CSTF3: variants seen among roughly 807,000 people sequenced by gnomAD.
CSTF3 encodes the protein CF-1 77 kDa subunit.
CSTF3 carries 29 observed loss-of-function variants against 105.8 expected under a neutral mutation model. The ratio of observed to expected loss-of-function variants is 0.27; its 90% CI spans 0.20 to 0.37. The LOEUF (loss-of-function observed/expected upper bound fraction) is 0.37, where lower values mean the gene tolerates loss of function less well. CSTF3 is among the 10% of genes least tolerant of loss of function. The probability of loss-of-function intolerance (pLI) is 1.00; values close to 1 mark genes in which losing one functional copy is unlikely to be tolerated. For synonymous variants in CSTF3, 252 were observed against 281.9 expected, an observed-to-expected ratio of 0.89 and a Z score of 1.06; for missense variants, 357 against 879.3, an observed-to-expected ratio of 0.41 and a Z score of 7.51.
intron 1 of CSTF3, among the ~76,000 whole-genome samples, chr11:33,147,002 C>CA (rs1363829171): frequency 5.3e-5 from 8 of 152,098 alleles, no homozygotes; most frequent in Admixed American, 3.9e-4. Flanking sequence ...CTGGTCTCTA[C>CA]AAAAAATATA....
At chr11:33,090,164 T>G (rs765675362) in intron 17 of CSTF3, among the ~76,000 whole-genome samples, 20 of 152,208 alleles carry the variant, frequency 1.3e-4, no homozygotes, top group Non-Finnish European at 2.9e-4. Context: ...TGTCAAAACA[T>G]ATTTATCAAT....
chr11:33,130,163 CA>C (rs1266610220), intron 3 of CSTF3, among the ~76,000 whole-genome samples: 1 of 152,140 alleles, frequency 6.6e-6, no homozygotes, highest in Non-Finnish European at 1.5e-5. Context: ...TTCATAATCT[CA>C]ATTAGTAAAA....
At chr11:33,097,714 C>T (rs1855239476) in intron 13 of CSTF3, among the ~76,000 whole-genome samples, 1 of 152,020 alleles carries the variant, frequency 6.6e-6, no homozygotes, top group Admixed American at 6.6e-5. Flanking sequence ...TTTTAAAAGC[C>T]CACTACTCTA....
chr11:33,085,596 T>C, intron 20 of CSTF3, 117 bp downstream of exon 20: 1 of 900,836 alleles, frequency 1.1e-6, no homozygotes, highest in South Asian at 1.5e-5. Flanking sequence ...TGGGTTTCAC[T>C]GCACTTCAAA....
chr11:33,099,510 T>G lies in CSTF3; in HGVS notation c.936+98A>C. On this transcript the variant is annotated intron_variant, in intron 11 of 20. Coordinates refer to ENST00000323959, the MANE Select transcript of CSTF3 (RefSeq NM_001326.3). The surrounding 1 kb of genome is among the most constrained non-coding windows in gnomAD (Gnocchi z 4.1). ...AACGTAAACTTAAATTTTCAATACT[T>G]ATGCTTTATTACCAAAATTCAGTTA... The G allele has an allele frequency of 1.2e-6, 1 of 826,056 alleles. No individual in the cohort carries two copies. Among genetic ancestry groups the G allele is most frequent in the Non-Finnish European group, 1.9e-6 (1 of 519,534 alleles). 51.2% of individuals were successfully genotyped at this position (826,056 alleles called of 1,614,324 possible).
At position 33,114,302 on chromosome 11, in the gene CSTF3, T is replaced by C. The variant is rs569345677; in HGVS notation, c.226-5884A>G. 5.8e-4 allele frequency among the ~76,000 whole-genome samples: 88 copies of C among 152,340 alleles called. 1 individual carries two copies. The highest frequency in any genetic ancestry group is 1.8e-3 in the African/African-American group (75 of 41,586). On this transcript the variant is annotated intron_variant, in intron 3 of 20. Coordinates refer to ENST00000323959, the MANE Select transcript of CSTF3 (RefSeq NM_001326.3). ...TCAAAAATAAATGAGTTTTTCCTAATGTTAGGAACATATTTCATGCTTCAT... is the reference window on the plus strand; with the variant it reads ...TCAAAAATAAATGAGTTTTTCCTAACGTTAGGAACATATTTCATGCTTCAT...
intron 5 of CSTF3, among the ~76,000 whole-genome samples, chr11:33,107,048 A>T (rs1390274890): frequency 6.6e-6 from 1 of 152,150 alleles, no homozygotes; most frequent in Non-Finnish European, 1.5e-5. Context: ...AGGCAGGAGA[A>T]TTGCTTGAGC....
chr11:33,133,848 G>C (rs1433485599), intron 3 of CSTF3, among the ~76,000 whole-genome samples: 1 of 152,172 alleles, frequency 6.6e-6, no homozygotes. Flanking sequence ...CACATTGAAG[G>C]AGACTAAGAG....
chr11:33,099,532 G>T lies in CSTF3; in HGVS notation c.936+76C>A. On this transcript the variant is annotated intron_variant, in intron 11 of 20. Transcript: ENST00000323959. The surrounding 1 kb of genome is among the most constrained non-coding windows in gnomAD (Gnocchi z 4.1). ...ACTTATGCTTTATTACCAAAATTCAGTTATATTTTTCAGTAAATAATTGCT... is the reference window on the plus strand; with the variant it reads ...ACTTATGCTTTATTACCAAAATTCATTTATATTTTTCAGTAAATAATTGCT... The T allele has an allele frequency of 1.0e-6, 1 of 965,168 alleles. No homozygotes were observed. The highest frequency in any genetic ancestry group is 2.7e-5 in the East Asian group (1 of 36,834). The allele number at this position is 965,168 out of a possible 1,614,324, so 59.8% of individuals were successfully genotyped here. A position where few individuals can be genotyped will look rare whatever the true frequency, so the allele number is the denominator to read the frequency against.
intron 3 of CSTF3, among the ~76,000 whole-genome samples, chr11:33,123,913 C>T (rs780032627): frequency 2.6e-5 from 4 of 151,836 alleles, no homozygotes; most frequent in Non-Finnish European, 5.9e-5. Flanking sequence ...TATGTGTATA[C>T]ATATATGAAT....
chr11:33,106,215 G>C (rs1457724732), intron 5 of CSTF3, 151 bp from the exon 6 acceptor site: 1 of 602,318 alleles, frequency 1.7e-6, no homozygotes, highest in Non-Finnish European at 2.9e-6. Context: ...TTCAAGACCT[G>C]CCTGTGCAAC....
chr11:33,161,379 A>C lies in CSTF3; in HGVS notation c.-54T>G. 1 of 1,604,900 alleles carries C rather than the reference A, an allele frequency of 6.2e-7. No individual in the cohort carries two copies. The highest frequency in any genetic ancestry group is 1.1e-5 in the South Asian group (1 of 91,038). On this transcript the variant is annotated 5_prime_UTR_variant, in exon 1 of 21. Transcript: ENST00000323959. The stretch of plus-strand genomic sequence containing the variant: ...GACCGTCGATGGGAAGCTAGAAAAG[A>C]AAAATTAAACTAAAAACCACCCCCA...
intron 3 of CSTF3, among the ~76,000 whole-genome samples, chr11:33,123,243 A>G (rs1855510913): frequency 6.6e-6 from 1 of 152,044 alleles, no homozygotes; most frequent in Admixed American, 6.5e-5. Flanking sequence ...AAGAAATCCA[A>G]AGGGCTCTTA....
chr11:33,097,765 T>A (rs529561109), intron 13 of CSTF3, among the ~76,000 whole-genome samples: 1 of 152,350 alleles, frequency 6.6e-6, no homozygotes, highest in African/African-American at 2.4e-5. Context: ...GGATAAACTA[T>A]GAGCCATTTT....
At chr11:33,131,567 C>T (rs1460394126) in intron 3 of CSTF3, among the ~76,000 whole-genome samples, 1 of 152,122 alleles carries the variant, frequency 6.6e-6, no homozygotes, top group African/African-American at 2.4e-5. Context: ...TTTGAACAGG[C>T]CGGGTGCGGT....
At chr11:33,145,223 C>G (rs1052764340) in intron 1 of CSTF3, among the ~76,000 whole-genome samples, 28 of 152,016 alleles carry the variant, frequency 1.8e-4, no homozygotes, top group African/African-American at 6.3e-4. Context: ...ATTGCTTGAG[C>G]CCAGGAGTCT....
intron 3 of CSTF3, among the ~76,000 whole-genome samples, chr11:33,111,271 C>G (rs1193721508): frequency 6.6e-6 from 1 of 152,094 alleles, no homozygotes; most frequent in East Asian, 1.9e-4. Context: ...GGTAATTGTA[C>G]AAGATTACTT....
At chr11:33,136,244 G>C (rs1196005120) in intron 3 of CSTF3, 1 of 152,174 alleles carries the variant, frequency 6.6e-6, no homozygotes, top group Non-Finnish European at 1.5e-5. Context: ...TCTAGATGCA[G>C]ACTTCAACCT....
At chr11:33,161,167 C>T in intron 1 of CSTF3, 132 bp downstream of exon 1, 3 of 854,296 alleles carry the variant, frequency 3.5e-6, no homozygotes, top group Non-Finnish European at 5.4e-6. Context: ...CCATTCCCAC[C>T]ACTCTTCTAT....
Sources: gnomAD v4.1 joint callset for allele counts (sites outside exome capture counted in the v4.1 genomes callset) on GRCh38, gnomAD v4.1.1 for gene constraint, Gnocchi (gnomAD v3.1) non-coding constraint, MANE v1.5 for transcripts, NCBI Gene and HGNC (gene_info 2026-07-23, HGNC 2026-07-21) for gene names.